Variants in CNTNAP2 observed in about 807,000 individuals in gnomAD.
CNTNAP2 encodes the protein contactin associated protein 2.
Under a neutral mutation model 155.2 loss-of-function variants are expected in CNTNAP2, and 98 were observed. The ratio of observed to expected loss-of-function variants is 0.63; its 90% CI spans 0.54 to 0.75. The LOEUF (loss-of-function observed/expected upper bound fraction) is 0.75, where lower values mean the gene tolerates loss of function less well. CNTNAP2 is among the 30% of genes least tolerant of loss of function. The pLI is 0.00. For missense variants in CNTNAP2, 1,727 were observed against 1,688.1 expected (o/e 1.02, Z -0.40); for synonymous variants, 651 against 631.2 (o/e 1.03, Z -0.47).
At chr7:148,104,026 T>C (rs1804155819) in intron 15 of CNTNAP2, among the ~76,000 whole-genome samples, 1 of 152,224 alleles carries the variant, frequency 6.6e-6, no homozygotes. Flanking sequence ...CTTTAAATCA[T>C]CACAAACCCT....
At chr7:146,208,904 A>G (rs2116880120) in intron 1 of CNTNAP2, 2 of 152,206 alleles carry the variant, frequency 1.3e-5, no homozygotes, top group South Asian at 4.1e-4. Context: ...GATAAAAATA[A>G]CTGCTAAGAT....
At chr7:146,304,496 C>T (rs1252007698) in intron 1 of CNTNAP2, among the ~76,000 whole-genome samples, 1 of 152,062 alleles carries the variant, frequency 6.6e-6, no homozygotes. Context: ...GTTTGTTTGT[C>T]TGTAAAGGAT....
intron 9 of CNTNAP2, among the ~76,000 whole-genome samples, chr7:147,385,635 GC>G (rs1172282452): frequency 6.6e-6 from 1 of 152,236 alleles, no homozygotes. Context: ...CAAGAGGTGG[GC>G]CCCCATGGCC....
chr7:146,143,134 A>G (rs1173484734), intron 1 of CNTNAP2, among the ~76,000 whole-genome samples: 1 of 152,148 alleles, frequency 6.6e-6, no homozygotes, highest in Non-Finnish European at 1.5e-5. Context: ...GTGTGGCTCT[A>G]TGTTGTGGCC....
chr7:148,049,418 T>G (rs1802841836), intron 15 of CNTNAP2, among the ~76,000 whole-genome samples: 1 of 146,180 alleles, frequency 6.8e-6, no homozygotes, highest in South Asian at 2.2e-4. Context: ...TATACACTCC[T>G]GCTAATATAT....
chr7:146,263,275 G>GAGGA lies in CNTNAP2; in HGVS notation c.97+146323_97+146326dup, dbSNP rs1266735414. ...GGAGGGAGTGAGCGAGGGAGGGAGGGAGGAAGGAAGGAAGGAAGGAAGGAC... is the reference window on the plus strand; with the variant it reads ...GGAGGGAGTGAGCGAGGGAGGGAGGGAGGAAGGAAGGAAGGAAGGAAGGAAGGAC... On this transcript the variant is annotated intron_variant, in intron 1 of 23. Transcript: ENST00000361727. 1.2e-3 allele frequency among the ~76,000 whole-genome samples: 176 copies of GAGGA among 141,166 alleles called. 2 individuals carry two copies. The East Asian group carries it at 0.027, about 21-fold the overall frequency. The allele number at this position is 141,166 out of a possible 152,430, so 92.6% of individuals were successfully genotyped here. A position where few individuals can be genotyped will look rare whatever the true frequency, so the allele number is the denominator to read the frequency against.
At chr7:148,317,904 A>G (rs976594495) in intron 21 of CNTNAP2, among the ~76,000 whole-genome samples, 4 of 152,032 alleles carry the variant, frequency 2.6e-5, no homozygotes, top group African/African-American at 9.7e-5. Flanking sequence ...CATGGTCTCA[A>G]TCTCCTGACC....
intron 16 of CNTNAP2, among the ~76,000 whole-genome samples, chr7:148,135,098 G>A (rs1804909398): frequency 6.6e-6 from 1 of 151,986 alleles, no homozygotes; most frequent in South Asian, 2.1e-4. Flanking sequence ...AAGAGGGCAT[G>A]TGTAGTTTGA....
At chr7:147,989,613 G>A (rs775062868) in intron 15 of CNTNAP2, among the ~76,000 whole-genome samples, 4 of 152,122 alleles carry the variant, frequency 2.6e-5, no homozygotes, top group Non-Finnish European at 5.9e-5. Context: ...GAGAAGACAG[G>A]CCTAGTCTCA....
intron 9 of CNTNAP2, among the ~76,000 whole-genome samples, chr7:147,387,776 T>A (rs1354631505): frequency 6.6e-6 from 1 of 152,192 alleles, no homozygotes; most frequent in African/African-American, 2.4e-5. Context: ...TATTGTGCTA[T>A]CATATAGTAG....
intron 9 of CNTNAP2, among the ~76,000 whole-genome samples, chr7:147,377,792 T>C (rs1442444019): frequency 6.6e-6 from 1 of 151,898 alleles, no homozygotes; most frequent in African/African-American, 2.4e-5. Context: ...TCCTGACTGT[T>C]TTAAAATTGT....
intron 11 of CNTNAP2, among the ~76,000 whole-genome samples, chr7:147,529,801 A>T (rs1584794250): frequency 6.6e-6 from 1 of 152,244 alleles, no homozygotes; most frequent in East Asian, 1.9e-4. Flanking sequence ...ACAGAGCCGG[A>T]TAAAAAGATT....
chr7:147,039,274 T>C lies in CNTNAP2; in HGVS notation c.403-4633T>C, dbSNP rs529239540. Among the ~76,000 whole-genome samples the C allele has an allele frequency of 3.9e-5, 6 of 152,280 alleles. No individual in the cohort carries two copies. The South Asian group carries it at 1.2e-3, about 32-fold the overall frequency. The stretch of plus-strand genomic sequence containing the variant: ...GGTTTGTTACACAGGTAAACACTCA[T>C]GTGACAGGGGTTTGTTGTACAGATT... On this transcript the variant is annotated intron_variant, in intron 3 of 23. Coordinates refer to ENST00000361727, the MANE Select transcript of CNTNAP2 (RefSeq NM_014141.6).
chr7:147,614,085 T>C (rs1487580257), intron 12 of CNTNAP2, among the ~76,000 whole-genome samples: 1 of 152,202 alleles, frequency 6.6e-6, no homozygotes, highest in Non-Finnish European at 1.5e-5. Context: ...TTTTTAAAAA[T>C]TTGTTGCATT....
intron 11 of CNTNAP2, among the ~76,000 whole-genome samples, chr7:147,529,237 T>A (rs1799386195): frequency 6.6e-6 from 1 of 152,222 alleles, no homozygotes; most frequent in Non-Finnish European, 1.5e-5. Context: ...TCTTTCCCAA[T>A]GCAAATAAAG....
At chr7:148,305,053 C>A (rs377325492) in intron 21 of CNTNAP2, among the ~76,000 whole-genome samples, 969 of 109,242 alleles carry the variant, frequency 8.9e-3, no homozygotes, top group Middle Eastern at 9.3e-3. Flanking sequence ...CCTGTCTCTA[C>A]AAAAAAAAAA....
At chr7:146,944,789 A>C (rs998603791) in intron 3 of CNTNAP2, among the ~76,000 whole-genome samples, 1 of 151,978 alleles carries the variant, frequency 6.6e-6, no homozygotes, top group Non-Finnish European at 1.5e-5. Context: ...GAGGCAGGAG[A>C]ATGGCGTGAA....
rs927501113 is a variant in CNTNAP2 at position 148,105,195 on chromosome 7, C to T, written c.2384-12923C>T. On this transcript the variant is annotated intron_variant, in intron 15 of 23. Transcript: ENST00000361727. ...CAGGGAAATAGTACCATGCCCAGTC[C>T]GGGGATACGTCAGAAAGACTGTCTG... Among the ~76,000 whole-genome samples, 16 of 152,048 alleles carry T rather than the reference C, an allele frequency of 1.1e-4. No individual in the cohort carries two copies. The South Asian group carries it at 1.2e-3, about 12-fold the overall frequency.
At position 148,219,162 on chromosome 7, in the gene CNTNAP2, A is replaced by T. The variant is rs1169607588; in HGVS notation, c.3247+1638A>T. On this transcript the variant is annotated intron_variant, in intron 19 of 23. Transcript: ENST00000361727. ...TTCACATGTTGGCCAAGACAATCTC[A>T]ATCTCTTGACCTCGTGATCCACCTG... is the stretch of plus-strand genomic sequence containing the variant. Among the ~76,000 whole-genome samples the T allele has an allele frequency of 2.6e-5, 4 of 151,970 alleles. No individual in the cohort carries two copies. In the South Asian group the frequency reaches 6.2e-4, roughly 24 times the overall value.
Sources: gnomAD v4.1 joint callset for allele counts (sites outside exome capture counted in the v4.1 genomes callset) on GRCh38, gnomAD v4.1.1 for gene constraint, MANE v1.5 for transcripts, NCBI Gene and HGNC (gene_info 2026-07-23, HGNC 2026-07-21) for gene names.